Variants in TAFA5 observed in about 807,000 individuals in gnomAD.
TAFA5 encodes TAFA chemokine like family member 5.
In TAFA5, 6 loss-of-function variants were observed where a neutral mutation model predicts 15.3. The observed-to-expected ratio is 0.39, with a 90% confidence interval of 0.21 to 0.77. TAFA5 has a LOEUF of 0.77. Among genes scored for constraint, TAFA5 ranks in the 30% least tolerant of loss-of-function variants. The pLI is 0.41. For missense variants in TAFA5, 161 were observed against 193.1 expected (o/e 0.83, Z 0.98); for synonymous variants, 103 against 80.7 (o/e 1.28, Z -1.48).
At chr22:48,674,743 G>T (rs6010581) in intron 2 of TAFA5, among the ~76,000 whole-genome samples, 1 of 152,088 alleles carries the variant, frequency 6.6e-6, no homozygotes. Flanking sequence ...TAGCTTGCCC[G>T]TTGGGTCTGC....
chr22:48,546,683 G>T (rs1387013044), intron 1 of TAFA5: 3 of 449,798 alleles, frequency 6.7e-6, no homozygotes, highest in Admixed American at 4.8e-5. Context: ...CCGCAGGATG[G>T]GGGGCTCACC....
At chr22:48,658,614 C>T (rs947671884) in intron 2 of TAFA5, among the ~76,000 whole-genome samples, 1 of 152,254 alleles carries the variant, frequency 6.6e-6, no homozygotes, top group African/African-American at 2.4e-5. Flanking sequence ...CAGGGCAGTA[C>T]TGCTGTCACC....
chr22:48,713,496 T>A (rs1219527481), intron 3 of TAFA5, among the ~76,000 whole-genome samples: 1 of 152,254 alleles, frequency 6.6e-6, no homozygotes, highest in Non-Finnish European at 1.5e-5. Context: ...TGACTTGGGC[T>A]GGGCAGCTTG....
intron 1 of TAFA5, among the ~76,000 whole-genome samples, chr22:48,593,084 C>G (rs529764962): frequency 6.6e-6 from 1 of 152,216 alleles, no homozygotes; most frequent in East Asian, 1.9e-4. Flanking sequence ...GGAATCCCGA[C>G]AGGAGCCGCA....
intron 2 of TAFA5, among the ~76,000 whole-genome samples, chr22:48,656,847 C>T (rs1014472621): frequency 3.3e-5 from 5 of 149,488 alleles, no homozygotes; most frequent in Middle Eastern, 3.2e-3. Flanking sequence ...TCTCTGCAAC[C>T]TCTGCCCTCC....
chr22:48,544,797 C>G, intron 1 of TAFA5: 1 of 471,236 alleles, frequency 2.1e-6, no homozygotes, highest in South Asian at 1.5e-5. Context: ...ACGATCTAGG[C>G]GAGGCCTGCA....
chr22:48,607,464 G>A (rs1228294917), intron 1 of TAFA5, among the ~76,000 whole-genome samples: 1 of 139,646 alleles, frequency 7.2e-6, no homozygotes, highest in African/African-American at 2.8e-5. Context: ...ACCTCAGTCT[G>A]GAGCAGGTCT....
rs1333264617 is a variant in TAFA5, at chr22:48,723,786, G to A, written c.390+15942G>A. Among the ~76,000 whole-genome samples, 3 of 152,248 alleles carry A rather than the reference G, an allele frequency of 2.0e-5. No individual in the cohort carries two copies. In the South Asian group the frequency reaches 6.2e-4, roughly 31 times the overall value. The stretch of plus-strand genomic sequence containing the variant: ...ATGATAAGAAAGGAAAATGGTGGAC[G>A]AGAAAGGTTTCTGAGGCTCTGCTGT... On this transcript the variant is annotated intron_variant, in intron 3 of 3. Coordinates refer to ENST00000402357, the MANE Select transcript of TAFA5 (RefSeq NM_001082967.3).
At chr22:48,515,762 G>T (rs1285736777) in intron 1 of TAFA5, among the ~76,000 whole-genome samples, 1 of 152,210 alleles carries the variant, frequency 6.6e-6, no homozygotes, top group Non-Finnish European at 1.5e-5. Flanking sequence ...AAGGGACAGT[G>T]CGGGGACTTG....
chr22:48,491,622 C>T lies in TAFA5; in HGVS notation c.112+1918C>T, dbSNP rs1479947152. Among the ~76,000 whole-genome samples the T allele has an allele frequency of 3.3e-5, 5 of 152,278 alleles. No homozygotes were observed. The East Asian group carries it at 9.6e-4, about 29-fold the overall frequency. On this transcript the variant is annotated intron_variant, in intron 1 of 3. Transcript: ENST00000402357. ...GCACTTCCCGAGCCCGCGAGGAGCGCGGTACACACTGTCTCAAGACACGCA... is the reference window on the plus strand; with the variant it reads ...GCACTTCCCGAGCCCGCGAGGAGCGTGGTACACACTGTCTCAAGACACGCA...
intron 2 of TAFA5, among the ~76,000 whole-genome samples, chr22:48,653,358 G>A (rs1389636315): frequency 1.3e-5 from 2 of 152,342 alleles, no homozygotes; most frequent in Admixed American, 6.5e-5. Context: ...GGACGTGGAT[G>A]TGAATTGCTT....
At chr22:48,691,024 G>C (rs73435879) in intron 2 of TAFA5, among the ~76,000 whole-genome samples, 26,647 of 152,040 alleles carry the variant, frequency 0.18, 2,529 homozygotes, top group East Asian at 0.29. Context: ...CCTCCTGAGC[G>C]CCGTCAATCT....
intron 3 of TAFA5, among the ~76,000 whole-genome samples, chr22:48,724,371 G>A (rs1383286713): frequency 6.6e-6 from 1 of 152,300 alleles, no homozygotes; most frequent in African/African-American, 2.4e-5. Flanking sequence ...ATGAGTGGGG[G>A]ATTGCAGCTT....
chr22:48,707,406 G>C (rs1238980493), intron 2 of TAFA5, among the ~76,000 whole-genome samples: 1 of 152,170 alleles, frequency 6.6e-6, no homozygotes, highest in Non-Finnish European at 1.5e-5. Context: ...AAGAGACAGT[G>C]AGGCAGCCAC....
chr22:48,575,918 G>T (rs1241610660), intron 1 of TAFA5, among the ~76,000 whole-genome samples: 1 of 143,204 alleles, frequency 7.0e-6, no homozygotes, highest in Non-Finnish European at 1.5e-5. Context: ...GCCCCGGGCC[G>T]GAGCGAGCGC....
At chr22:48,556,930 A>C (rs908710207) in intron 1 of TAFA5, among the ~76,000 whole-genome samples, 1 of 152,050 alleles carries the variant, frequency 6.6e-6, no homozygotes, top group Non-Finnish European at 1.5e-5. Context: ...CTGGGCACAG[A>C]CCCGCCTGCT....
At chr22:48,705,853 C>G (rs1318001765) in intron 2 of TAFA5, among the ~76,000 whole-genome samples, 3 of 152,216 alleles carry the variant, frequency 2.0e-5, no homozygotes, top group Non-Finnish European at 1.5e-5. Context: ...GGCGAGGAAT[C>G]TTGGAAATTT....
chr22:48,737,293 T>G (rs1254013260), intron 3 of TAFA5, among the ~76,000 whole-genome samples: 1 of 152,220 alleles, frequency 6.6e-6, no homozygotes, highest in Non-Finnish European at 1.5e-5. Flanking sequence ...GCTTTGACCT[T>G]GAGCTTCAGA....
intron 1 of TAFA5, among the ~76,000 whole-genome samples, chr22:48,541,969 T>A (rs1380735186): frequency 6.6e-6 from 1 of 152,170 alleles, no homozygotes; most frequent in East Asian, 1.9e-4. Context: ...GTGCAGGGCC[T>A]GGGAGGCCAG....
Sources: allele counts gnomAD v4.1 joint callset (sites outside exome capture counted in the v4.1 genomes callset), GRCh38; gene constraint gnomAD v4.1.1; transcripts MANE v1.5; gene names NCBI Gene and HGNC (gene_info 2026-07-23, HGNC 2026-07-21).